NEBL: variants seen among roughly 807,000 people sequenced by gnomAD.
NEBL encodes the protein nebulette.
Under a neutral mutation model 140.2 loss-of-function variants are expected in NEBL, and 122 were observed. That is an observed-to-expected ratio of 0.87 (90% confidence interval 0.75 to 1.01). The LOEUF (loss-of-function observed/expected upper bound fraction) is 1.01, where lower values mean the gene tolerates loss of function less well. Ranked by LOEUF, NEBL falls within the 50% of genes least tolerant of loss-of-function variation. NEBL has a pLI of 0.00. For synonymous variants in NEBL, 436 were observed against 398.9 expected (o/e 1.09, Z -1.11); for missense variants, 1,365 against 1,231.3 (o/e 1.11, Z -1.62).
At chr10:21,097,285 C>G (rs1295722054) in intron 2 of NEBL, among the ~76,000 whole-genome samples, 1 of 151,136 alleles carries the variant, frequency 6.6e-6, no homozygotes, top group Non-Finnish European at 1.5e-5. Flanking sequence ...ATTGTGAAAC[C>G]CTGTCTGTAC....
intron 2 of NEBL, among the ~76,000 whole-genome samples, chr10:21,033,929 G>A (rs579249): frequency 0.49 from 73,773 of 151,502 alleles, 20,299 homozygotes; most frequent in Non-Finnish European, 0.61. Context: ...ATTTTGGGAG[G>A]CCGAGGCGGG....
intron 4 of NEBL, among the ~76,000 whole-genome samples, chr10:20,906,087 A>G (rs1848080757): frequency 6.6e-6 from 1 of 152,156 alleles, no homozygotes; most frequent in African/African-American, 2.4e-5. Flanking sequence ...GTGTTTCCAG[A>G]TTTATGAATC....
At chr10:21,233,232 G>C (rs1027932805) in intron 3 of NEBL, among the ~76,000 whole-genome samples, 1 of 152,062 alleles carries the variant, frequency 6.6e-6, no homozygotes, top group Non-Finnish European at 1.5e-5. Context: ...ATTTATTGTA[G>C]AGATGAGGTT....
At chr10:20,964,318 A>T (rs1836191193) in intron 3 of NEBL, among the ~76,000 whole-genome samples, 1 of 152,166 alleles carries the variant, frequency 6.6e-6, no homozygotes, top group African/African-American at 2.4e-5. Context: ...TTGTGCTGCT[A>T]TAAAGGAATA....
Position 21,206,283 on chromosome 10 carries a change from C to T in NEBL, n.349-33806G>A, listed in dbSNP as rs891121865. On this transcript the variant is annotated intron_variant and non_coding_transcript_variant, in intron 3 of 8. Coordinates refer to the NEBL transcript ENST00000675702. Reference sequence around the variant, plus strand: ...GCAGAAGAATTAAAGCAAATGTATACATTGAATACTACTAAAATAAGTTAT... The same window carrying T: ...GCAGAAGAATTAAAGCAAATGTATATATTGAATACTACTAAAATAAGTTAT... Among the ~76,000 whole-genome samples the T allele has an allele frequency of 9.9e-5, 15 of 152,192 alleles. No homozygotes were observed. In the East Asian group the frequency reaches 1.2e-3, roughly 12 times the overall value.
chr10:21,096,657 A>G (rs1196419046), intron 2 of NEBL, among the ~76,000 whole-genome samples: 1 of 151,976 alleles, frequency 6.6e-6, no homozygotes, highest in African/African-American at 2.4e-5. Flanking sequence ...GGGACCACAG[A>G]TGCTCACCAC....
intron 10 of NEBL, among the ~76,000 whole-genome samples, chr10:20,851,483 C>A (rs1342515436): frequency 6.6e-6 from 1 of 151,820 alleles, no homozygotes; most frequent in African/African-American, 2.4e-5. Context: ...TAGGATAGAA[C>A]TTTGTGAAAT....
chr10:21,269,544 G>C (rs1842836779), intron 1 of NEBL, among the ~76,000 whole-genome samples: 1 of 152,182 alleles, frequency 6.6e-6, no homozygotes, highest in Non-Finnish European at 1.5e-5. Context: ...GAACGTTCGT[G>C]GTTAGAACTA....
At chr10:21,260,236 T>C (rs1466626645) in intron 1 of NEBL, among the ~76,000 whole-genome samples, 1 of 152,186 alleles carries the variant, frequency 6.6e-6, no homozygotes, top group Non-Finnish European at 1.5e-5. Context: ...CTCTAGCCCT[T>C]TGAAAACAGC....
rs561072763 is a variant in NEBL, at chr10:21,127,057, A to G, written c.164+45326T>C. On this transcript the variant is annotated intron_variant, in intron 2 of 6. Transcript: ENST00000417816. ...AAAAGGAATTACTGCAACTGATTCA[A>G]TACACTCAAACGCATCCATGGTTTT... Among the ~76,000 whole-genome samples, 10 of 152,052 alleles carry G rather than the reference A, an allele frequency of 6.6e-5. No homozygotes were observed. The East Asian group carries it at 1.9e-3, about 29-fold the overall frequency.
At chr10:20,937,812 G>T (rs1205283022) in intron 4 of NEBL, among the ~76,000 whole-genome samples, 2 of 152,132 alleles carry the variant, frequency 1.3e-5, no homozygotes, top group Admixed American at 1.3e-4. Context: ...TGGCTCAGAG[G>T]GTCCTACACC....
chr10:20,813,877 A>T, intron 23 of NEBL, 62 bp downstream of exon 23: 1 of 1,051,038 alleles, frequency 9.5e-7, no homozygotes, highest in Non-Finnish European at 1.5e-6. Context: ...AAGTAATGCC[A>T]TCCGTGCACT....
At chr10:20,999,965 G>A (rs1320693037) in intron 3 of NEBL, among the ~76,000 whole-genome samples, 6 of 151,890 alleles carry the variant, frequency 4.0e-5, no homozygotes, top group African/African-American at 9.7e-5. Flanking sequence ...TCAAGACGAC[G>A]CCAGTAAGTG....
chr10:20,865,415 A>T (rs1844173860), intron 7 of NEBL, among the ~76,000 whole-genome samples: 2 of 152,204 alleles, frequency 1.3e-5, no homozygotes, highest in Middle Eastern at 3.4e-3. Flanking sequence ...AAATGAAGCA[A>T]TTTGTCCAAG....
At chr10:21,084,302 T>TCTGTATGGCTTGCCTCCTCAGTTACA (rs1836516934) in intron 2 of NEBL, among the ~76,000 whole-genome samples, 1 of 152,272 alleles carries the variant, frequency 6.6e-6, no homozygotes, top group African/African-American at 2.4e-5. Context: ...TTGCTTTATG[T>TCTGTATGGCTTGCCTCCTCAGTTACA]CTGTATGGCT....
chr10:21,180,009 C>T (rs946777420), intron 3 of NEBL, among the ~76,000 whole-genome samples: 1 of 151,880 alleles, frequency 6.6e-6, no homozygotes, highest in Non-Finnish European at 1.5e-5. Context: ...TGGTGGTATG[C>T]ACTTGTAATC....
chr10:20,822,855 G>A (rs1398215845), intron 19 of NEBL, among the ~76,000 whole-genome samples: 13 of 152,042 alleles, frequency 8.6e-5, no homozygotes, highest in South Asian at 2.1e-4. Flanking sequence ...GCATAGTGGC[G>A]ATGTCTGGGC....
chr10:21,113,013 C>A, intron 2 of NEBL: 1 of 245,930 alleles, frequency 4.1e-6, no homozygotes, highest in South Asian at 5.3e-5. Context: ...AACTTGCTGC[C>A]ACTCCTGAAG....
chr10:20,833,092 A>G (rs1162114511), intron 14 of NEBL, among the ~76,000 whole-genome samples: 2 of 152,226 alleles, frequency 1.3e-5, no homozygotes, highest in African/African-American at 4.8e-5. Context: ...TGTGTTCTAA[A>G]GCACATAGAC....
Sources: gnomAD v4.1 joint callset for allele counts (sites outside exome capture counted in the v4.1 genomes callset) on GRCh38, gnomAD v4.1.1 for gene constraint, MANE v1.5 for transcripts, NCBI Gene and HGNC (gene_info 2026-07-23, HGNC 2026-07-21) for gene names.